The following ZCCHC2 variants were observed in gnomAD, a reference collection of about 807,000 sequenced individuals.
ZCCHC2 encodes zinc finger CCHC-type containing 2, also known as zinc finger CCHC domain-containing protein 2.
In ZCCHC2, 39 loss-of-function variants were observed where a neutral mutation model predicts 103.6. The ratio of observed to expected loss-of-function variants is 0.38; its 90% confidence interval spans 0.29 to 0.49. The LOEUF (loss-of-function observed/expected upper bound fraction) is 0.49. ZCCHC2 is among the 20% of genes least tolerant of loss of function. The pLI is 0.96. For synonymous variants in ZCCHC2, 687 were observed against 608.9 expected (o/e 1.13, Z -1.89); for missense variants, 1,483 against 1,491.0 (o/e 0.99, Z 0.09).
intron 1 of ZCCHC2, among the ~76,000 whole-genome samples, chr18:62,527,416 A>C (rs1034897820): frequency 6.6e-6 from 1 of 152,256 alleles, no homozygotes; most frequent in Middle Eastern, 3.2e-3. Context: ...ACACGTACAC[A>C]GGTTGCCGGT....
At position 62,568,233 on chromosome 18, in the gene ZCCHC2, G is replaced by A. The variant is rs568690938; in HGVS notation, c.1847-1870G>A. ...TTTTAGTGTTAGAATAGTGGTTTAT[G>A]TTTTACTTTTTGTTTTTATTATGTG... On this transcript the variant is annotated intron_variant, in intron 11 of 13. Transcript: ENST00000269499. Among the ~76,000 whole-genome samples, 139 of 152,176 alleles carry A rather than the reference G, an allele frequency of 9.1e-4. 2 individuals are homozygous for A. The highest frequency in any genetic ancestry group is 2.7e-3 in the South Asian group (13 of 4,826).
chr18:62,559,135 CT>C (rs1916014606), intron 7 of ZCCHC2, among the ~76,000 whole-genome samples: 1 of 152,062 alleles, frequency 6.6e-6, no homozygotes, highest in South Asian at 2.1e-4. Context: ...GAGGAGAAGC[CT>C]TTCTTGAATA....
chr18:62,523,926 G>T lies in ZCCHC2; in HGVS notation c.502G>T (p.Ala168Ser). 6.5e-7 allele frequency: 1 copy of T among 1,531,912 alleles called. No individual in the cohort carries two copies. The highest frequency in any genetic ancestry group is 8.8e-7 in the Non-Finnish European group (1 of 1,142,818). 94.9% of individuals were successfully genotyped at this position (1,531,912 alleles called of 1,614,324 possible). A position where few individuals can be genotyped will look rare whatever the true frequency, so the allele number is the denominator to read the frequency against. ...GCCGCTGGCCGACTTCCGAGAGCCC[G>T]CGGTGCGCTCGCGCCTCATCGTCTA... ...PGPLADFREP[A>S]VRSRLIVYLA... Residue 168 changes from alanine to serine, a missense_variant, in exon 1 of 14, where the codon GCG becomes TCG. By Grantham distance (99) the Ala-to-Ser change is moderately conservative (BLOSUM62 1). Coordinates refer to ENST00000269499, the MANE Select transcript of ZCCHC2 (RefSeq NM_017742.6).
At chr18:62,537,468 G>T (rs1212667228) in intron 1 of ZCCHC2, among the ~76,000 whole-genome samples, 1 of 152,170 alleles carries the variant, frequency 6.6e-6, no homozygotes, top group African/African-American at 2.4e-5. Flanking sequence ...ACCACACCTA[G>T]CCACTATTCT....
chr18:62,565,080 T>C lies in ZCCHC2; in HGVS notation c.1830T>C (p.His610=). Residue 610 remains histidine (H), a synonymous_variant, in exon 11 of 14, where the codon CAT becomes CAC. Transcript: ENST00000269499. ...GIRLSTPQHA[H]GGTVKDVNLD... ...GACTCTCCACTCCTCAGCATGCCCA[T>C]GGTGGTACTGTGAAAGGTAAGAAGG... is the stretch of plus-strand genomic sequence containing the variant. 1 of 1,612,198 alleles carries C rather than the reference T, an allele frequency of 6.2e-7. No individual in the cohort carries two copies.
chr18:62,542,559 G>A lies in ZCCHC2; in HGVS notation c.1113G>A (p.Trp371Ter). The A allele has an allele frequency of 3.2e-6, 5 of 1,562,782 alleles. No homozygotes were observed. The highest frequency in any genetic ancestry group is 3.5e-6 in the Non-Finnish European group (4 of 1,152,212). ...AGAGAAAAAGAGCTGACAAATACTGGGAGTACACTTTCAAAGTAAGCCATT... is the reference window on the plus strand; with the variant it reads ...AGAGAAAAAGAGCTGACAAATACTGAGAGTACACTTTCAAAGTAAGCCATT... ...GVQRKRADKY[W>*]EYTFKVNWSD... The change falls in exon 3 of 14, where the codon TGG becomes TGA. Residue 371 changes from tryptophan to a stop codon, truncating the protein, a stop_gained. Transcript: ENST00000269499. LOFTEE classifies it high-confidence loss of function.
chr18:62,550,696 G>A (rs1915627548), intron 5 of ZCCHC2, among the ~76,000 whole-genome samples: 1 of 152,184 alleles, frequency 6.6e-6, no homozygotes, highest in African/African-American at 2.4e-5. Flanking sequence ...TCTGAAATAT[G>A]CAGATATTGA....
chr18:62,556,433 ATGAGTTTTTAC>A lies in ZCCHC2; in HGVS notation c.1408+137_1408+147del, dbSNP rs1915887475. On this transcript the variant is annotated intron_variant, in intron 6 of 13. Transcript: ENST00000269499. ...ACATACATTTTTAATGTCATTTTTA[ATGAGTTTTTAC>A]ACTGCAGTTTTAAAGAAGGTCATGA... is the stretch of plus-strand genomic sequence containing the variant. 8.8e-6 allele frequency: 6 copies of A among 680,830 alleles called. No individual in the cohort carries two copies. The South Asian group carries it at 1.4e-4, about 16-fold the overall frequency. 42.2% of individuals were successfully genotyped at this position (680,830 alleles called of 1,614,324 possible).
Position 62,544,882 on chromosome 18 carries a change from T to C in ZCCHC2, c.1200+9T>C, listed in dbSNP as rs374779867. ...AGGAATTTCTACTGAAGGTAAAATATAGATTTTGTTGTTAAAATGATTTTT... is the reference window on the plus strand; with the variant it reads ...AGGAATTTCTACTGAAGGTAAAATACAGATTTTGTTGTTAAAATGATTTTT... On this transcript the variant is annotated intron_variant, in intron 4 of 13. Transcript: ENST00000269499. The C allele has an allele frequency of 6.9e-5, 104 of 1,517,062 alleles. No homozygotes were observed. Among genetic ancestry groups the C allele is most frequent in the Non-Finnish European group, 8.1e-5 (92 of 1,136,570 alleles). 94.0% of individuals were successfully genotyped at this position (1,517,062 alleles called of 1,614,324 possible). A position where few individuals can be genotyped will look rare whatever the true frequency, so the allele number is the denominator to read the frequency against.
At chr18:62,528,825 GTTGA>G (rs1568536278) in intron 1 of ZCCHC2, among the ~76,000 whole-genome samples, 1 of 152,062 alleles carries the variant, frequency 6.6e-6, no homozygotes, top group Non-Finnish European at 1.5e-5. Flanking sequence ...GAAGGAAAAG[GTTGA>G]TTGTCAGAAT....
At chr18:62,584,777 G>A (rs1283537628) in exon 15 of ZCCHC2, 1 of 152,332 alleles carries the variant, frequency 6.6e-6, no homozygotes, top group African/African-American at 2.4e-5. Flanking sequence ...CTGTGAAGTG[G>A]GGTGGGAATG....
At chr18:62,547,756 T>C (rs531252846) in intron 4 of ZCCHC2, among the ~76,000 whole-genome samples, 1 of 152,160 alleles carries the variant, frequency 6.6e-6, no homozygotes, top group East Asian at 1.9e-4. Flanking sequence ...GAGATGGAGT[T>C]TTGCCATGTT....
intron 11 of ZCCHC2, among the ~76,000 whole-genome samples, chr18:62,569,695 T>C (rs1189113701): frequency 6.6e-6 from 1 of 152,154 alleles, no homozygotes; most frequent in African/African-American, 2.4e-5. Context: ...CATTTTATTA[T>C]TTTAAATACT....
At position 62,524,378 on chromosome 18, in the gene ZCCHC2, G is replaced by A; in HGVS notation, c.939+15G>A. On this transcript the variant is annotated intron_variant, in intron 1 of 13. Coordinates refer to ENST00000269499, the MANE Select transcript of ZCCHC2 (RefSeq NM_017742.6). ...CCAGGGCCCAGGTAAGGCGCACGGAGCCTCCCTGGACTCGCGGTGCGATCG... is the reference window on the plus strand; with the variant it reads ...CCAGGGCCCAGGTAAGGCGCACGGAACCTCCCTGGACTCGCGGTGCGATCG... 10 of 1,490,442 alleles carry A rather than the reference G, an allele frequency of 6.7e-6. No homozygotes were observed. The highest frequency in any genetic ancestry group is 8.9e-6 in the Non-Finnish European group (10 of 1,124,412). 92.3% of individuals were successfully genotyped at this position (1,490,442 alleles called of 1,614,324 possible). A position where few individuals can be genotyped will look rare whatever the true frequency, so the allele number is the denominator to read the frequency against.
At chr18:62,560,256 ATG>A (rs1916059927) in intron 7 of ZCCHC2, 1 of 190,320 alleles carries the variant, frequency 5.3e-6, no homozygotes, top group African/African-American at 2.3e-5. Flanking sequence ...ACAGGTTTGA[ATG>A]TTTGAAACTC....
In ZCCHC2 at chr18:62,574,144, A is replaced by T; in HGVS notation, c.2063A>T (p.Lys688Met). ...TCTGTCAACCAGACTGTCACTGTCA[A>T]GCCACCTGTTCAAATTGCTTCACTA... is the stretch of plus-strand genomic sequence containing the variant. Reference protein sequence around the residue: ...YGSVNQTVTVKPPVQIASLGN... With the variant: ...YGSVNQTVTVMPPVQIASLGN... The change falls in exon 13 of 14, where the codon AAG becomes ATG. Residue 688 changes from lysine to methionine, a missense_variant. Around this residue, in one of 3 missense-constraint regions of ZCCHC2, gnomAD observed 884 missense variants for 907.5 expected, o/e 0.97. Coordinates refer to ENST00000269499, the MANE Select transcript of ZCCHC2 (RefSeq NM_017742.6). 6.2e-7 allele frequency: 1 copy of T among 1,614,050 alleles called. No individual in the cohort carries two copies. Among genetic ancestry groups the T allele is most frequent in the South Asian group, 1.1e-5 (1 of 91,086 alleles).
chr18:62,556,870 A>T (rs1915906607), intron 6 of ZCCHC2, among the ~76,000 whole-genome samples: 1 of 152,116 alleles, frequency 6.6e-6, no homozygotes, highest in South Asian at 2.1e-4. Context: ...TCCCACTCTG[A>T]TCTATCCCTG....
At chr18:62,534,774 T>A (rs1914847500) in intron 1 of ZCCHC2, among the ~76,000 whole-genome samples, 1 of 152,212 alleles carries the variant, frequency 6.6e-6, no homozygotes, top group Non-Finnish European at 1.5e-5. Context: ...TTTGGGAGTA[T>A]TTGCTTGAAA....
At chr18:62,547,984 C>T (rs1470346597) in intron 4 of ZCCHC2, among the ~76,000 whole-genome samples, 1 of 152,140 alleles carries the variant, frequency 6.6e-6, no homozygotes, top group Non-Finnish European at 1.5e-5. Flanking sequence ...TAAAACAGTG[C>T]CTGGGGCACA....
Sources: gnomAD v4.1 joint callset for allele counts (sites outside exome capture counted in the v4.1 genomes callset) on GRCh38, gnomAD v4.1.1 for gene constraint, gnomAD v4.1.1 regional missense constraint, MANE v1.5 for transcripts, NCBI Gene and HGNC (gene_info 2026-07-23, HGNC 2026-07-21) for gene names.